The following CDH18 variants were observed in gnomAD, a reference collection of about 807,000 sequenced individuals.
The protein encoded by CDH18 is cadherin 18.
A neutral mutation model predicts 67.9 loss-of-function variants in CDH18; 31 were observed. That is an observed-to-expected ratio of 0.46 (90% CI 0.34 to 0.62). The LOEUF is 0.62. Among genes scored for constraint, CDH18 ranks in the 20% least tolerant of loss-of-function variants. The pLI is 0.01. For missense variants in CDH18, 890 were observed against 975.5 expected, an observed-to-expected ratio of 0.91 and a Z score of 1.17; for synonymous variants, 362 against 347.2, an observed-to-expected ratio of 1.04 and a Z score of -0.48.
chr5:19,813,705 C>A (rs1778986041), intron 3 of CDH18, among the ~76,000 whole-genome samples: 1 of 151,964 alleles, frequency 6.6e-6, no homozygotes, highest in African/African-American at 2.4e-5. Flanking sequence ...AAGGGAAAGC[C>A]AGGATATTTA....
intron 1 of CDH18, among the ~76,000 whole-genome samples, chr5:20,567,852 C>A (rs1028547903): frequency 3.9e-5 from 6 of 152,032 alleles, no homozygotes; most frequent in Admixed American, 2.0e-4. Context: ...AATGCCTAAT[C>A]GGTTTTACTC....
chr5:19,473,611 C>G lies in CDH18; in HGVS notation c.1988G>C (p.Gly663Ala). The change falls in exon 13 of 13, where the codon GGC (glycine) becomes GCC (alanine). Residue 663 changes from glycine to alanine, a missense_variant. By Grantham distance (60) the Gly-to-Ala change is moderately conservative. Coordinates refer to ENST00000382275, the MANE Select transcript of CDH18 (RefSeq NM_004934.5). ...ENVVTYDDEGGGEEDTEAFDI... is the reference protein window; with the variant it reads ...ENVVTYDDEGAGEEDTEAFDI... ...AAAGGCCTCTGTGTCTTCCTCTCCG[C>G]CTCCTTCATCATCATAGGTGACCAC... The G allele has an allele frequency of 6.2e-7, 1 of 1,613,816 alleles. No individual in the cohort carries two copies. The highest frequency in any genetic ancestry group is 8.5e-7 in the Non-Finnish European group (1 of 1,179,826).
At chr5:19,838,521 T>C (rs1227778632) in intron 3 of CDH18, among the ~76,000 whole-genome samples, 1 of 152,198 alleles carries the variant, frequency 6.6e-6, no homozygotes, top group Non-Finnish European at 1.5e-5. Context: ...TTGTTATGAA[T>C]ATGCAGTCTT....
intron 1 of CDH18, among the ~76,000 whole-genome samples, chr5:20,503,848 G>A (rs1018873837): frequency 2.0e-5 from 3 of 152,194 alleles, no homozygotes; most frequent in Middle Eastern, 6.8e-3. Flanking sequence ...GACCAGCCTG[G>A]GCAACAGGGC....
At chr5:19,982,898 G>A (rs1663969433) in intron 1 of CDH18, among the ~76,000 whole-genome samples, 1 of 151,912 alleles carries the variant, frequency 6.6e-6, no homozygotes, top group Non-Finnish European at 1.5e-5. Flanking sequence ...CAAAAAATTA[G>A]CCGGGCTTGG....
intron 2 of CDH18, among the ~76,000 whole-genome samples, chr5:20,108,716 T>C (rs1747202647): frequency 2.0e-5 from 3 of 152,176 alleles, no homozygotes; most frequent in South Asian, 2.1e-4. Flanking sequence ...GTTCCTTCTG[T>C]TACTGGGTCT....
In CDH18 at chr5:19,994,853, T is replaced by TAGAGAGAGAG. The variant is rs776078908; in HGVS notation, c.-517-2840_-517-2839insCTCTCTCTCT. Among the ~76,000 whole-genome samples, 171 of 53,212 alleles carry TAGAGAGAGAG rather than the reference T, an allele frequency of 3.2e-3. 21 individuals are homozygous for TAGAGAGAGAG. Among genetic ancestry groups the TAGAGAGAGAG allele is most frequent in the African/African-American group, 8.2e-3 (86 of 10,450 alleles). The allele number at this position is 53,212 out of a possible 152,430, so 34.9% of individuals were successfully genotyped here. A position where few individuals can be genotyped will look rare whatever the true frequency, so the allele number is the denominator to read the frequency against. Reference sequence around the variant, plus strand: ...GAATATATATATATATATATATATATATAGAGAGAGAGAGAGAGAGAGAGA... The same window carrying TAGAGAGAGAG: ...GAATATATATATATATATATATATATAGAGAGAGAGATAGAGAGAGAGAGAGAGAGAGAGA... On this transcript the variant is annotated intron_variant, in intron 2 of 14. Coordinates refer to the CDH18 transcript ENST00000507958.
In CDH18 at chr5:19,571,800, G is replaced by T; in HGVS notation, c.1032C>A (p.Thr344=). Residue 344 remains threonine, a synonymous_variant, in exon 8 of 13, where the codon ACC becomes ACA. Transcript: ENST00000382275. ...PLNYEKKKSY[T]LNIEGANTHL... is the part of the protein sequence containing the mutation. ...GTGTATTTGCTCCTTCTATGTTGAG[G>T]GTATATGACTTCTTTTTCTCATAGT... 2 of 1,612,992 alleles carry T rather than the reference G, an allele frequency of 1.2e-6. No individual in the cohort carries two copies. The highest frequency in any genetic ancestry group is 1.7e-4 in the Middle Eastern group (1 of 6,058).
chr5:20,006,940 A>G (rs1217258010), intron 2 of CDH18, among the ~76,000 whole-genome samples: 1 of 151,978 alleles, frequency 6.6e-6, no homozygotes, highest in African/African-American at 2.4e-5. Context: ...AGAAAATTAA[A>G]TAGGTCAATT....
At chr5:20,498,700 G>A (rs1754058979) in intron 1 of CDH18, among the ~76,000 whole-genome samples, 1 of 151,818 alleles carries the variant, frequency 6.6e-6, no homozygotes, top group South Asian at 2.1e-4. Flanking sequence ...CTTATTCTAT[G>A]TTGTTCTTAT....
At chr5:20,079,800 C>G (rs553101677) in intron 2 of CDH18, among the ~76,000 whole-genome samples, 5 of 152,058 alleles carry the variant, frequency 3.3e-5, no homozygotes, top group Non-Finnish European at 5.9e-5. Flanking sequence ...TCTCATAGTT[C>G]CAGAGCTGGG....
In CDH18 at chr5:19,656,028, C is replaced by T. The variant is rs567066236; in HGVS notation, c.644-43427G>A. ...TTTTTTTACTGACAGACTTCTCTTG[C>T]CACACTAATGTAAGGTCCTTAGTAA... On this transcript the variant is annotated intron_variant, in intron 5 of 12. Coordinates refer to ENST00000382275, the MANE Select transcript of CDH18 (RefSeq NM_004934.5). Among the ~76,000 whole-genome samples the T allele has an allele frequency of 2.1e-5, 3 of 142,454 alleles. No individual in the cohort carries two copies. The East Asian group carries it at 5.9e-4, about 28-fold the overall frequency. 93.5% of individuals were successfully genotyped at this position (142,454 alleles called of 152,430 possible). A position where few individuals can be genotyped will look rare whatever the true frequency, so the allele number is the denominator to read the frequency against.
At chr5:19,476,769 T>C (rs2126526569) in intron 12 of CDH18, among the ~76,000 whole-genome samples, 1 of 152,132 alleles carries the variant, frequency 6.6e-6, no homozygotes, top group South Asian at 2.1e-4. Flanking sequence ...GTCAAGGGAA[T>C]TTATGTGCAG....
At chr5:19,738,900 A>T (rs1036207322) in intron 4 of CDH18, among the ~76,000 whole-genome samples, 2 of 152,220 alleles carry the variant, frequency 1.3e-5, no homozygotes, top group African/African-American at 4.8e-5. Flanking sequence ...TGAACTTAAA[A>T]TATAAGTTTA....
intron 5 of CDH18, among the ~76,000 whole-genome samples, 192 bp downstream of exon 5, chr5:19,721,155 G>A (rs1428948718): frequency 6.6e-6 from 1 of 152,040 alleles, no homozygotes; most frequent in Non-Finnish European, 1.5e-5. Flanking sequence ...AACATAATAG[G>A]GAAAGCATAA....
intron 2 of CDH18, among the ~76,000 whole-genome samples, chr5:19,863,900 A>T (rs1785171106): frequency 6.6e-6 from 1 of 152,142 alleles, no homozygotes; most frequent in Admixed American, 6.5e-5. Flanking sequence ...CTCGATGTGG[A>T]GAAATAGGAA....
rs1744529899 is a variant in CDH18, at chr5:20,388,620, G to A, written c.-579-133115C>T. On this transcript the variant is annotated intron_variant, in intron 1 of 14. Coordinates refer to the CDH18 transcript ENST00000507958. ...TCATGCCTTCTGCTAGCTTTTGAATGTGTTTGCTCTTGCTTCTCTAGTTCT... is the reference window on the plus strand; with the variant it reads ...TCATGCCTTCTGCTAGCTTTTGAATATGTTTGCTCTTGCTTCTCTAGTTCT... 3.9e-5 allele frequency among the ~76,000 whole-genome samples: 6 copies of A among 152,158 alleles called. No homozygotes were observed. The South Asian group carries it at 1.2e-3, about 32-fold the overall frequency.
chr5:20,021,016 C>T (rs1433068402), intron 2 of CDH18, among the ~76,000 whole-genome samples: 1 of 151,626 alleles, frequency 6.6e-6, no homozygotes, highest in Non-Finnish European at 1.5e-5. Context: ...GCCTTGGGAC[C>T]CAACCCCTTA....
chr5:20,190,729 C>T (rs1386865167), intron 2 of CDH18, among the ~76,000 whole-genome samples: 1 of 152,082 alleles, frequency 6.6e-6, no homozygotes, highest in East Asian at 1.9e-4. Flanking sequence ...CCATTGACTC[C>T]TCCTAACCCA....
Sources: gnomAD v4.1 joint callset for allele counts (sites outside exome capture counted in the v4.1 genomes callset) on GRCh38, gnomAD v4.1.1 for gene constraint, MANE v1.5 for transcripts, NCBI Gene and HGNC (gene_info 2026-07-23, HGNC 2026-07-21) for gene names.